The following DOCK7 variants were observed in gnomAD, a reference collection of about 807,000 sequenced individuals.
DOCK7 encodes dedicator of cytokinesis 7.
A neutral mutation model predicts 271.0 loss-of-function variants in DOCK7; 138 were observed. That is an observed-to-expected ratio of 0.51 (90% CI 0.44 to 0.59). The LOEUF (loss-of-function observed/expected upper bound fraction) is 0.59, where lower values mean the gene tolerates loss of function less well. Ranked by LOEUF, DOCK7 falls within the 20% of genes least tolerant of loss-of-function variation. The probability of loss-of-function intolerance (pLI) is 0.00; values close to 1 mark genes in which losing one functional copy is unlikely to be tolerated. For synonymous variants in DOCK7, 823 were observed against 876.1 expected, an observed-to-expected ratio of 0.94 and a Z score of 1.07; for missense variants, 2,066 against 2,592.4, an observed-to-expected ratio of 0.80 and a Z score of 4.41.
intron 11 of DOCK7, chr1:62,628,852 A>C (rs1301640976): frequency 6.6e-6 from 1 of 152,130 alleles, no homozygotes; most frequent in Non-Finnish European, 1.5e-5. Flanking sequence ...GAAGGTTAAA[A>C]CCCCATTTAA....
intron 14 of DOCK7, among the ~76,000 whole-genome samples, chr1:62,590,109 C>G (rs1305108417): frequency 6.6e-6 from 1 of 151,988 alleles, no homozygotes; most frequent in Non-Finnish European, 1.5e-5. Context: ...TTTAGTGCTA[C>G]TCAAGAGCCA....
At chr1:62,574,143 T>C (rs1485756393) in intron 18 of DOCK7, among the ~76,000 whole-genome samples, 1 of 152,108 alleles carries the variant, frequency 6.6e-6, no homozygotes, top group African/African-American at 2.4e-5. Flanking sequence ...ATGTTTCTAA[T>C]TCAGCCTCTA....
intron 2 of DOCK7, among the ~76,000 whole-genome samples, chr1:62,657,681 ACT>A (rs779383542): frequency 6.6e-6 from 1 of 152,148 alleles, no homozygotes; most frequent in Admixed American, 6.5e-5. Context: ...AAAACCAGAA[ACT>A]CTCTGTAAAG....
At chr1:62,535,470 A>G (rs755353567) in intron 29 of DOCK7, 23 bp downstream of exon 29, 4 of 1,605,750 alleles carry the variant, frequency 2.5e-6, no homozygotes, top group Non-Finnish European at 3.4e-6. Flanking sequence ...CATATTCTAC[A>G]AGGTAAAAAC....
At chr1:62,591,819 A>G (rs1325693652) in intron 14 of DOCK7, among the ~76,000 whole-genome samples, 2 of 152,150 alleles carry the variant, frequency 1.3e-5, no homozygotes, top group African/African-American at 2.4e-5. Flanking sequence ...AGAATCTATA[A>G]TTATCTTGTT....
rs1652930629 is a variant in DOCK7, at chr1:62,619,882, C to T, written c.1519+18G>A. On this transcript the variant is annotated intron_variant, in intron 13 of 49. Coordinates refer to ENST00000635253, the MANE Select transcript of DOCK7 (RefSeq NM_001367561.1). ...ATAATAATAGTTGCAACCATTTCTA[C>T]TCAAAATTTTTAAATACCTGTAATA... 6.5e-7 allele frequency: 1 copy of T among 1,549,598 alleles called. No homozygotes were observed. The highest frequency in any genetic ancestry group is 8.9e-7 in the Non-Finnish European group (1 of 1,127,518).
intron 14 of DOCK7, among the ~76,000 whole-genome samples, chr1:62,601,499 T>G (rs1207617362): frequency 6.6e-6 from 1 of 151,658 alleles, no homozygotes; most frequent in Non-Finnish European, 1.5e-5. Flanking sequence ...GCTGAAATAT[T>G]TACGGAGTTA....
At chr1:62,657,353 T>G (rs769695953) in intron 2 of DOCK7, among the ~76,000 whole-genome samples, 1 of 152,052 alleles carries the variant, frequency 6.6e-6, no homozygotes, top group African/African-American at 2.4e-5. Flanking sequence ...AGAAGACAAG[T>G]AAGAAATCTG....
intron 17 of DOCK7, among the ~76,000 whole-genome samples, chr1:62,577,931 C>CT (rs983550358): frequency 4.0e-5 from 6 of 148,252 alleles, no homozygotes; most frequent in South Asian, 4.3e-4. Context: ...TTTTTTTTTT[C>CT]TTTTTTTTTG....
At chr1:62,562,472 C>A (rs1243393834) in intron 18 of DOCK7, among the ~76,000 whole-genome samples, 9 of 152,120 alleles carry the variant, frequency 5.9e-5, no homozygotes, top group African/African-American at 1.7e-4. Flanking sequence ...GCCTTGGCCT[C>A]CCAAGGTGCT....
chr1:62,647,852 T>C, intron 6 of DOCK7, 76 bp from the exon 7 acceptor site: 2 of 1,102,524 alleles, frequency 1.8e-6, no homozygotes, highest in South Asian at 1.4e-5. Context: ...GAACTTACTT[T>C]ACTAATCTAA....
chr1:62,561,727 TC>T, intron 18 of DOCK7, 24 bp from the exon 19 acceptor site: 1 of 1,296,744 alleles, frequency 7.7e-7, no homozygotes, highest in Non-Finnish European at 1.0e-6. Flanking sequence ...AATATAATGA[TC>T]ACAGATGCTT....
intron 14 of DOCK7, among the ~76,000 whole-genome samples, chr1:62,601,555 T>C (rs1650123277): frequency 6.6e-6 from 1 of 151,632 alleles, no homozygotes; most frequent in African/African-American, 2.4e-5. Context: ...ACTCTGTCTC[T>C]AAAAAATAAT....
chr1:62,499,881 A>G (rs1365890562), intron 37 of DOCK7, among the ~76,000 whole-genome samples: 3 of 152,044 alleles, frequency 2.0e-5, no homozygotes, highest in African/African-American at 7.3e-5. Flanking sequence ...CCCTGTCTCT[A>G]AAAAATAAAT....
intron 21 of DOCK7, among the ~76,000 whole-genome samples, chr1:62,554,649 C>T (rs1430615783): frequency 2.6e-5 from 4 of 151,934 alleles, no homozygotes; most frequent in Non-Finnish European, 5.9e-5. Context: ...TTAATACATA[C>T]CTGTTGCCTA....
At chr1:62,511,778 G>A (rs1644492084) in intron 33 of DOCK7, among the ~76,000 whole-genome samples, 1 of 151,572 alleles carries the variant, frequency 6.6e-6, no homozygotes, top group Non-Finnish European at 1.5e-5. Context: ...AAAAAGATAT[G>A]CCTATATTAA....
rs147073940 is a variant in DOCK7, at chr1:62,679,278, A to C, written c.38+8949T>G. On this transcript the variant is annotated intron_variant, in intron 1 of 49. Coordinates refer to ENST00000635253, the MANE Select transcript of DOCK7 (RefSeq NM_001367561.1). Reference sequence around the variant, plus strand: ...CCAATAACCATTAAAAAAGACTGGTAAGTTAAACTGCATTAAAACTGAGAA... The same window carrying C: ...CCAATAACCATTAAAAAAGACTGGTCAGTTAAACTGCATTAAAACTGAGAA... Among the ~76,000 whole-genome samples, 266 of 152,298 alleles carry C rather than the reference A, an allele frequency of 1.7e-3. 2 individuals are homozygous for C. The highest frequency in any genetic ancestry group is 5.8e-3 in the African/African-American group (242 of 41,588).
chr1:62,509,740 CACTT>C (rs768190428), intron 34 of DOCK7, among the ~76,000 whole-genome samples: 14 of 152,124 alleles, frequency 9.2e-5, no homozygotes, highest in Non-Finnish European at 1.5e-4. Flanking sequence ...TGCTGGCTCT[CACTT>C]GTTTCCTCTG....
intron 11 of DOCK7, chr1:62,628,994 G>T (rs565107501): frequency 6.6e-6 from 1 of 152,260 alleles, no homozygotes; most frequent in East Asian, 1.9e-4. Context: ...GCTTAATATC[G>T]CTAGCTTTTA....
Sources: allele counts gnomAD v4.1 joint callset (sites outside exome capture counted in the v4.1 genomes callset), GRCh38; gene constraint gnomAD v4.1.1; transcripts MANE v1.5; gene names NCBI Gene and HGNC (gene_info 2026-07-23, HGNC 2026-07-21).